The following TRAPPC11 variants were observed in gnomAD, a reference collection of about 807,000 sequenced individuals.
The protein encoded by TRAPPC11 is trafficking protein particle complex subunit 11, also known as foie gras homolog.
TRAPPC11 carries 104 observed loss-of-function variants against 151.2 expected under a neutral mutation model. That is an observed-to-expected ratio of 0.69 (90% CI 0.59 to 0.81). The LOEUF (loss-of-function observed/expected upper bound fraction) is 0.81. Ranked by LOEUF, TRAPPC11 falls within the 30% of genes least tolerant of loss-of-function variation. The pLI, the probability that TRAPPC11 is intolerant of heterozygous loss-of-function variation, is 0.00. For missense variants in TRAPPC11, 1,230 were observed against 1,349.6 expected (o/e 0.91, Z 1.39); for synonymous variants, 456 against 472.3 (o/e 0.97, Z 0.45).
At position 183,686,600 on chromosome 4, in the gene TRAPPC11, CTTTTG is replaced by C; in HGVS notation, c.1763-13_1763-9del. The C allele has an allele frequency of 6.2e-7, 1 of 1,612,816 alleles. No individual in the cohort carries two copies. The highest frequency in any genetic ancestry group is 8.5e-7 in the Non-Finnish European group (1 of 1,179,426). ...GTATCTGGTTGTGCATAACACAGCC[CTTTTG>C]TTTTATTTCTAGTGCAGTGCAAAGC... is the stretch of plus-strand genomic sequence containing the variant. On this transcript the variant is annotated splice_polypyrimidine_tract_variant and intron_variant, in intron 17 of 29. Transcript: ENST00000334690.
At chr4:183,669,496 C>G (rs769262411) in intron 5 of TRAPPC11, among the ~76,000 whole-genome samples, 1 of 152,204 alleles carries the variant, frequency 6.6e-6, no homozygotes, top group Non-Finnish European at 1.5e-5. Flanking sequence ...GCCAGCTCTC[C>G]TTTTCTGGGC....
At chr4:183,707,993 A>G (rs1246219400) in intron 28 of TRAPPC11, among the ~76,000 whole-genome samples, 2 of 152,212 alleles carry the variant, frequency 1.3e-5, no homozygotes, top group Middle Eastern at 3.2e-3. Context: ...CTACTAAATA[A>G]ATTAGAAAGA....
At chr4:183,680,679 CTTTTTTTTTT>C (rs71589581) in intron 10 of TRAPPC11, among the ~76,000 whole-genome samples, 3 of 82,964 alleles carry the variant, frequency 3.6e-5, no homozygotes, top group Admixed American at 1.5e-4. Context: ...TATGGAGACT[CTTTTTTTTTT>C]TTTTTTTTTT....
At chr4:183,697,918 GTTAA>G (rs2111079490) in intron 25 of TRAPPC11, 83 bp downstream of exon 25, 1 of 1,346,166 alleles carries the variant, frequency 7.4e-7, no homozygotes, top group South Asian at 1.5e-5. Flanking sequence ...CAATGGAAGA[GTTAA>G]TTAGCTTTTT....
intron 29 of TRAPPC11, among the ~76,000 whole-genome samples, chr4:183,711,728 A>G (rs1737350098): frequency 9.9e-6 from 1 of 100,932 alleles, no homozygotes; most frequent in Admixed American, 1.0e-4. Flanking sequence ...GGAATGCCTC[A>G]GAATCTTTCT....
intron 19 of TRAPPC11, among the ~76,000 whole-genome samples, chr4:183,692,589 G>A (rs545727735): frequency 6.6e-6 from 1 of 152,046 alleles, no homozygotes; most frequent in South Asian, 2.1e-4. Flanking sequence ...TTGTGGAGTC[G>A]GAAATGAGGT....
At chr4:183,689,163 T>C (rs962481044) in intron 18 of TRAPPC11, among the ~76,000 whole-genome samples, 1 of 152,198 alleles carries the variant, frequency 6.6e-6, no homozygotes, top group African/African-American at 2.4e-5. Flanking sequence ...TATTAATCCA[T>C]GTACAAAAGT....
At position 183,685,158 on chromosome 4, in the gene TRAPPC11, T is replaced by G. The variant is rs1235480616; in HGVS notation, c.1629+13T>G. On this transcript the variant is annotated intron_variant, in intron 16 of 29. Coordinates refer to ENST00000334690, the MANE Select transcript of TRAPPC11 (RefSeq NM_021942.6). ...AAATGTTTTAATGGTAGGTTGGAAT[T>G]GTTTATATAGAGTGTGTTATTAGGA... 1.2e-6 allele frequency: 2 copies of G among 1,613,512 alleles called. No individual in the cohort carries two copies. The highest frequency in any genetic ancestry group is 1.7e-6 in the Non-Finnish European group (2 of 1,179,556).
chr4:183,662,137 C>T (rs188362655), intron 1 of TRAPPC11, among the ~76,000 whole-genome samples: 7 of 151,964 alleles, frequency 4.6e-5, no homozygotes, highest in South Asian at 2.1e-4. Flanking sequence ...GGCTGGCAAT[C>T]GCCTGAGGTC....
intron 23 of TRAPPC11, among the ~76,000 whole-genome samples, 153 bp downstream of exon 23, chr4:183,694,876 T>C (rs574333753): frequency 9.2e-5 from 14 of 152,154 alleles, no homozygotes; most frequent in African/African-American, 3.1e-4. Context: ...AAATCACTTA[T>C]ATTGAGATTT....
intron 1 of TRAPPC11, among the ~76,000 whole-genome samples, chr4:183,660,847 G>C (rs537685237): frequency 1.6e-4 from 24 of 152,280 alleles, no homozygotes; most frequent in African/African-American, 5.8e-4. Context: ...CCGAGTAGCT[G>C]GGACTATAGG....
intron 18 of TRAPPC11, among the ~76,000 whole-genome samples, chr4:183,690,882 C>A (rs1459240908): frequency 6.6e-6 from 1 of 152,064 alleles, no homozygotes; most frequent in African/African-American, 2.4e-5. Context: ...GTGGGACTAT[C>A]CCTTGGGTCC....
intron 7 of TRAPPC11, among the ~76,000 whole-genome samples, chr4:183,676,488 T>A (rs926136299): frequency 9.2e-5 from 14 of 152,146 alleles, no homozygotes; most frequent in African/African-American, 2.4e-4. Context: ...TTTAAATCCT[T>A]CAATTTCAGT....
chr4:183,680,977 G>A (rs1397548252), intron 10 of TRAPPC11, among the ~76,000 whole-genome samples: 1 of 152,118 alleles, frequency 6.6e-6, no homozygotes, highest in East Asian at 1.9e-4. Context: ...ACAGGCGTGA[G>A]CCACCGCGCC....
chr4:183,712,327 T>G (rs978077538), intron 29 of TRAPPC11, among the ~76,000 whole-genome samples: 13 of 152,214 alleles, frequency 8.5e-5, no homozygotes, highest in African/African-American at 3.1e-4. Context: ...AGAAGAGGAT[T>G]CTTCGGGTGG....
At chr4:183,683,771 C>CTT (rs1735819334) in intron 11 of TRAPPC11, 1 of 569,280 alleles carries the variant, frequency 1.8e-6, no homozygotes, top group East Asian at 2.9e-5. Flanking sequence ...GAACATTGAG[C>CTT]TCAATAATGT....
chr4:183,687,802 G>A (rs1260994085), intron 18 of TRAPPC11, among the ~76,000 whole-genome samples: 1 of 152,094 alleles, frequency 6.6e-6, no homozygotes, highest in African/African-American at 2.4e-5. Context: ...TGGAATAGAT[G>A]GATATAATGT....
In TRAPPC11 at chr4:183,706,934, C is replaced by T. The variant is rs373951254; in HGVS notation, c.3183C>T (p.Leu1061=). The T allele has an allele frequency of 1.7e-5, 28 of 1,613,962 alleles. No individual in the cohort carries two copies. Among genetic ancestry groups the T allele is most frequent in the Non-Finnish European group, 2.2e-5 (26 of 1,179,960 alleles). Residue 1061 remains leucine, a synonymous_variant, in exon 28 of 30, where the codon CTC becomes CTT. Transcript: ENST00000334690. Reference sequence around the variant, plus strand: ...GTGATGCCTTCATGTTCTCAGGTCTCAAACAGGTACAGGTCATATCTTGTG... The same window carrying T: ...GTGATGCCTTCATGTTCTCAGGTCTTAAACAGGTACAGGTCATATCTTGTG... ...EPSDAFMFSG[L]KQIRLRILPG...
intron 5 of TRAPPC11, among the ~76,000 whole-genome samples, 191 bp downstream of exon 5, chr4:183,668,308 G>T (rs1176702241): frequency 1.3e-5 from 2 of 149,670 alleles, no homozygotes; most frequent in African/African-American, 5.0e-5. Context: ...GAGGTAACCA[G>T]TATCAACAGT....
Sources: allele counts gnomAD v4.1 joint callset (sites outside exome capture counted in the v4.1 genomes callset), GRCh38; gene constraint gnomAD v4.1.1; transcripts MANE v1.5; gene names NCBI Gene and HGNC (gene_info 2026-07-23, HGNC 2026-07-21).